Variants in ATP13A4 observed in about 807,000 individuals in gnomAD.
ATP13A4 encodes the protein ATPase 13A4.
Under a neutral mutation model 142.5 loss-of-function variants are expected in ATP13A4, and 114 were observed. The observed-to-expected ratio is 0.80, with a 90% CI of 0.69 to 0.93. The LOEUF is 0.93. Among genes scored for constraint, ATP13A4 ranks in the 40% least tolerant of loss-of-function variants. The pLI is 0.00. For synonymous variants in ATP13A4, 488 were observed against 514.8 expected (o/e 0.95, Z 0.70); for missense variants, 1,392 against 1,454.0 (o/e 0.96, Z 0.69).
intron 17 of ATP13A4, among the ~76,000 whole-genome samples, chr3:193,452,567 A>ATT (rs751029977): frequency 0.017 from 2,102 of 120,732 alleles, 82 homozygotes; most frequent in African/African-American, 0.063. Context: ...ACATTGTGGA[A>ATT]TTTTTTTTTT....
At position 193,581,522 on chromosome 3, in the gene ATP13A4, G is replaced by C. The variant is rs374848224; in HGVS notation, n.291+185C>G. ...CAAATGCAATGGACGTGATAACCAC[G>C]TGCCTAGAAAATAATTCCTTATGCT... On this transcript the variant is annotated intron_variant and non_coding_transcript_variant, in intron 2 of 3. Transcript: ENST00000489140. Among the ~76,000 whole-genome samples, 5 of 152,204 alleles carry C rather than the reference G, an allele frequency of 3.3e-5. No individual in the cohort carries two copies. In the East Asian group the frequency reaches 9.6e-4, roughly 29 times the overall value.
At chr3:193,439,152 T>C in intron 21 of ATP13A4, 87 bp from the exon 22 acceptor site, 2 of 1,362,306 alleles carry the variant, frequency 1.5e-6, no homozygotes, top group Non-Finnish European at 2.1e-6. Flanking sequence ...CCATCATTAC[T>C]TAGGGTTCAA....
At chr3:193,486,317 G>A (rs1719616345) in intron 7 of ATP13A4, among the ~76,000 whole-genome samples, 1 of 152,188 alleles carries the variant, frequency 6.6e-6, no homozygotes, top group Admixed American at 6.5e-5. Flanking sequence ...AGTGATAAAA[G>A]CATGTAAATA....
intron 1 of ATP13A4, among the ~76,000 whole-genome samples, chr3:193,539,521 A>T (rs149455140): frequency 1.3e-5 from 2 of 152,316 alleles, no homozygotes; most frequent in East Asian, 3.9e-4. Flanking sequence ...TACTTTCTGG[A>T]GGGCTCAAGA....
intron 8 of ATP13A4, among the ~76,000 whole-genome samples, chr3:193,480,051 T>A (rs1719199429): frequency 6.6e-6 from 1 of 152,130 alleles, no homozygotes; most frequent in Admixed American, 6.5e-5. Context: ...TTGGGATAAT[T>A]GGCAAGCCAC....
intron 1 of ATP13A4, among the ~76,000 whole-genome samples, chr3:193,546,913 A>G (rs1723260810): frequency 6.6e-6 from 1 of 152,230 alleles, no homozygotes. Flanking sequence ...TAAAGTTCTT[A>G]GTCCCGAACT....
chr3:193,541,076 C>T, intron 1 of ATP13A4, among the ~76,000 whole-genome samples: 1 of 151,700 alleles, frequency 6.6e-6, no homozygotes. Flanking sequence ...GGTGAAACCC[C>T]GTCTCTACTA....
rs1719924549 is a variant in ATP13A4 at position 193,491,227 on chromosome 3, A to G, written c.603+102T>C. 1.7e-5 allele frequency: 15 copies of G among 876,628 alleles called. No individual in the cohort carries two copies. In the South Asian group the frequency reaches 1.8e-4, roughly 11 times the overall value. 54.3% of individuals were successfully genotyped at this position (876,628 alleles called of 1,614,324 possible). ...TTGGCATACTTTCAAAATATACTCTATGTGAAGTTACTTATTAACAATTAG... is the reference window on the plus strand; with the variant it reads ...TTGGCATACTTTCAAAATATACTCTGTGTGAAGTTACTTATTAACAATTAG... On this transcript the variant is annotated intron_variant, in intron 6 of 29. Coordinates refer to ENST00000342695, the MANE Select transcript of ATP13A4 (RefSeq NM_032279.4).
At chr3:193,492,072 A>G (rs1488949243) in intron 5 of ATP13A4, among the ~76,000 whole-genome samples, 1 of 152,158 alleles carries the variant, frequency 6.6e-6, no homozygotes, top group Non-Finnish European at 1.5e-5. Context: ...AATGTATGAG[A>G]GCAGTGCTTC....
chr3:193,473,429 C>A (rs1718736652), intron 8 of ATP13A4, among the ~76,000 whole-genome samples: 1 of 152,106 alleles, frequency 6.6e-6, no homozygotes. Flanking sequence ...TTAGAAAAGT[C>A]ATCATTTGGC....
intron 1 of ATP13A4, among the ~76,000 whole-genome samples, chr3:193,544,170 G>A (rs1242137127): frequency 6.6e-6 from 1 of 152,124 alleles, no homozygotes; most frequent in African/African-American, 2.4e-5. Context: ...GATAGTAACT[G>A]ACAAAGGCCA....
chr3:193,476,384 G>T (rs1472300328), intron 8 of ATP13A4, among the ~76,000 whole-genome samples: 6 of 152,068 alleles, frequency 3.9e-5, no homozygotes, highest in African/African-American at 1.5e-4. Context: ...GAATTAAAGA[G>T]TTAGGGCCTG....
chr3:193,502,766 C>T (rs1413355961), intron 2 of ATP13A4, 127 bp from the exon 3 acceptor site: 84 of 1,010,416 alleles, frequency 8.3e-5, no homozygotes, highest in South Asian at 2.1e-4. Context: ...CTAGACAGAA[C>T]GGTTTGTCTC....
At chr3:193,410,734 A>G (rs1714726142) in intron 28 of ATP13A4, among the ~76,000 whole-genome samples, 1 of 152,218 alleles carries the variant, frequency 6.6e-6, no homozygotes. Context: ...TAATAAGAAG[A>G]AAACAAAATT....
chr3:193,407,452 T>C (rs1052937474), intron 28 of ATP13A4, 59 bp from the exon 29 acceptor site: 61 of 1,271,918 alleles, frequency 4.8e-5, no homozygotes, highest in Non-Finnish European at 6.4e-5. Flanking sequence ...GGAAACATGC[T>C]CACATGTTCA....
At chr3:193,438,266 G>A (rs571170827) in intron 23 of ATP13A4, among the ~76,000 whole-genome samples, 72 of 152,280 alleles carry the variant, frequency 4.7e-4, no homozygotes, top group Admixed American at 1.2e-3. Context: ...CCTAATCAGT[G>A]AATTCACTGG....
At chr3:193,591,865 T>C (rs1272666247) in intron 1 of ATP13A4, among the ~76,000 whole-genome samples, 1 of 152,182 alleles carries the variant, frequency 6.6e-6, no homozygotes, top group Non-Finnish European at 1.5e-5. Context: ...AAGTAACGAT[T>C]ACAAAGACAC....
At chr3:193,559,668 C>T (rs1019539319), upstream of ATP13A4, among the ~76,000 whole-genome samples, 1 of 152,222 alleles carries the variant, frequency 6.6e-6, no homozygotes, top group Non-Finnish European at 1.5e-5. Flanking sequence ...AAAGAGCAGG[C>T]TGATGCTGTC....
In ATP13A4 at chr3:193,503,910, C is replaced by T. The variant is rs78338656; in HGVS notation, c.235-1271G>A. On this transcript the variant is annotated intron_variant, in intron 2 of 29. Coordinates refer to ENST00000342695, the MANE Select transcript of ATP13A4 (RefSeq NM_032279.4). ...CACATTTTACCCTTTGCCTATCCAC[C>T]TTACCACTTCTCTTGGACTATGGGT... Among the ~76,000 whole-genome samples, 176 of 152,020 alleles carry T rather than the reference C, an allele frequency of 1.2e-3. 1 individual carries two copies. Among genetic ancestry groups the T allele is most frequent in the Non-Finnish European group, 2.1e-3 (141 of 67,964 alleles).
Sources: gnomAD v4.1 joint callset for allele counts (sites outside exome capture counted in the v4.1 genomes callset) on GRCh38, gnomAD v4.1.1 for gene constraint, MANE v1.5 for transcripts, NCBI Gene and HGNC (gene_info 2026-07-23, HGNC 2026-07-21) for gene names.